Variants in MCCC1 observed in about 807,000 individuals in gnomAD.
MCCC1 encodes the protein methylcrotonoyl-CoA carboxylase subunit alpha, mitochondrial.
MCCC1 carries 64 observed loss-of-function variants against 83.8 expected under a neutral mutation model. That is an observed-to-expected ratio of 0.76 (90% confidence interval 0.62 to 0.94). MCCC1 has a LOEUF of 0.94. Ranked by LOEUF, MCCC1 falls within the 40% of genes least tolerant of loss-of-function variation. The pLI is 0.00. For synonymous variants in MCCC1, 322 were observed against 315.4 expected, an observed-to-expected ratio of 1.02 and a Z score of -0.22; for missense variants, 807 against 904.7, an observed-to-expected ratio of 0.89 and a Z score of 1.39.
Position 183,041,608 on chromosome 3 carries a change from C to A in MCCC1, c.1226G>T (p.Arg409Leu), listed in dbSNP as rs371219844. The stretch of plus-strand genomic sequence containing the variant: ...TTCAATCCTGGTGGAAGGGTCTGCT[C>A]GAGGAGTAGAGAGGTGCACTAATGG... Reference protein sequence around the residue: ...AGPLVHLSTPRADPSTRIETG... With the variant: ...AGPLVHLSTPLADPSTRIETG... The change falls in exon 11 of 19, where the codon CGA (arginine) becomes CTA (leucine). Residue 409 changes from arginine to leucine, a missense_variant. Physicochemically the swap from Arg to Leu is moderately radical, Grantham distance 102 (BLOSUM62 -2). Coordinates refer to ENST00000265594, the MANE Select transcript of MCCC1 (RefSeq NM_020166.5). The A allele has an allele frequency of 3.3e-5, 53 of 1,613,960 alleles. No homozygotes were observed. The highest frequency in any genetic ancestry group is 4.4e-5 in the Non-Finnish European group (52 of 1,179,986).
rs753835386 is a variant in MCCC1, at chr3:183,099,394, C to T, written c.47G>A (p.Arg16Lys). ...GCTCGGGAGACGATGCCACCGGTTC[C>T]TCTCCGCCGCCACCAGCAGCACCGA... ...AVSVLLVAAE[R>K]NRWHRLPSLL... The change falls in exon 1 of 19, where the codon AGG (arginine) becomes AAG (lysine). Residue 16 changes from arginine to lysine, a missense_variant. Coordinates refer to ENST00000265594, the MANE Select transcript of MCCC1 (RefSeq NM_020166.5). 1 of 1,605,460 alleles carries T rather than the reference C, an allele frequency of 6.2e-7. No homozygotes were observed. Among genetic ancestry groups the T allele is most frequent in the South Asian group, 1.1e-5 (1 of 90,028 alleles).
chr3:183,035,068 C>T (rs188365260), intron 13 of MCCC1, among the ~76,000 whole-genome samples: 34 of 152,252 alleles, frequency 2.2e-4, no homozygotes, highest in African/African-American at 7.5e-4. Flanking sequence ...CATGAGCCAC[C>T]GCGCCTGGCC....
At chr3:183,070,879 T>A (rs1201351011) in intron 7 of MCCC1, 120 bp downstream of exon 7, 57 of 1,221,804 alleles carry the variant, frequency 4.7e-5, no homozygotes, top group Non-Finnish European at 1.9e-5. Flanking sequence ...AGGACAGAAC[T>A]GGGAAACTTG....
intron 4 of MCCC1, among the ~76,000 whole-genome samples, chr3:183,076,699 G>A (rs771116496): frequency 1.3e-5 from 2 of 152,140 alleles, no homozygotes; most frequent in Non-Finnish European, 2.9e-5. Flanking sequence ...AATCTAGTGG[G>A]TGCATAGTGT....
At chr3:183,113,249 G>A (rs186876925) in intron 1 of MCCC1, among the ~76,000 whole-genome samples, 17 of 151,586 alleles carry the variant, frequency 1.1e-4, no homozygotes, top group African/African-American at 4.1e-4. Flanking sequence ...AATTAACTGG[G>A]CTTAGTGGTG....
chr3:183,015,309 G>A lies in MCCC1; in HGVS notation c.*129C>T. ...AATGCATGATTCTCCAATATGAAAG[G>A]TGTTCAGCATAAGCATACAATCATT... is the stretch of plus-strand genomic sequence containing the variant. On this transcript the variant is annotated 3_prime_UTR_variant, in exon 19 of 19. Coordinates refer to ENST00000265594, the MANE Select transcript of MCCC1 (RefSeq NM_020166.5). The A allele has an allele frequency of 1.1e-6, 1 of 896,528 alleles. No homozygotes were observed. 55.5% of individuals were successfully genotyped at this position (896,528 alleles called of 1,614,324 possible). A position where few individuals can be genotyped will look rare whatever the true frequency, so the allele number is the denominator to read the frequency against.
chr3:183,018,807 T>C (rs1711908498), intron 17 of MCCC1, among the ~76,000 whole-genome samples: 1 of 152,228 alleles, frequency 6.6e-6, no homozygotes, highest in African/African-American at 2.4e-5. Flanking sequence ...GTATAGTAAG[T>C]GTGTTTGAAG....
At chr3:183,101,852 G>A (rs1035801431), upstream of MCCC1, among the ~76,000 whole-genome samples, 1 of 151,814 alleles carries the variant, frequency 6.6e-6, no homozygotes, top group African/African-American at 2.4e-5. Context: ...GCGAGACCAC[G>A]AGCCCACCGG....
chr3:183,092,856 A>G (rs751532879), intron 2 of MCCC1, among the ~76,000 whole-genome samples: 37 of 152,172 alleles, frequency 2.4e-4, no homozygotes, highest in Non-Finnish European at 5.0e-4. Flanking sequence ...TTAAATTATC[A>G]TCATTAATAA....
intron 18 of MCCC1, among the ~76,000 whole-genome samples, chr3:183,015,789 A>G (rs1051645395): frequency 3.9e-5 from 6 of 152,216 alleles, no homozygotes; most frequent in African/African-American, 7.2e-5. Context: ...ACACTGGGAC[A>G]CAGCAGTAAC....
chr3:183,024,597 A>G (rs1434129879), intron 15 of MCCC1, among the ~76,000 whole-genome samples: 1 of 145,696 alleles, frequency 6.9e-6, no homozygotes, highest in Non-Finnish European at 1.5e-5. Flanking sequence ...CCTCACACTC[A>G]TTAGTATTGC....
upstream of MCCC1, among the ~76,000 whole-genome samples, chr3:183,102,305 A>G (rs773261646): frequency 5.3e-5 from 8 of 152,116 alleles, no homozygotes; most frequent in Non-Finnish European, 1.2e-4. Flanking sequence ...TGAAGCTGCA[A>G]TGAGCTCTTA....
upstream of MCCC1, among the ~76,000 whole-genome samples, chr3:183,103,044 C>T (rs1719343988): frequency 6.6e-6 from 1 of 151,968 alleles, no homozygotes; most frequent in Non-Finnish European, 1.5e-5. Context: ...CGCAGATCCT[C>T]GCGGTGAGTG....
Position 183,053,673 on chromosome 3 carries a change from C to T in MCCC1, c.874-1433G>A, listed in dbSNP as rs953161929. 1.5e-4 allele frequency among the ~76,000 whole-genome samples: 22 copies of T among 149,900 alleles called. 1 individual carries two copies. The highest frequency in any genetic ancestry group is 1.4e-3 in the Admixed American group (21 of 15,012). ...TACAAAAATTAGCCGGGTGTGGTGG[C>T]AGGCGCCTGTAGTCCCAGCTACTCT... On this transcript the variant is annotated intron_variant, in intron 8 of 18. Transcript: ENST00000265594.
chr3:183,114,519 G>A (rs75911124), intron 1 of MCCC1, among the ~76,000 whole-genome samples: 7,610 of 152,252 alleles, frequency 0.05, 295 homozygotes, highest in Non-Finnish European at 0.083. Context: ...GTCCACTGCA[G>A]AACTGATGGC....
intron 1 of MCCC1, among the ~76,000 whole-genome samples, chr3:183,097,610 G>A (rs184436980): frequency 1.1e-3 from 167 of 152,278 alleles, no homozygotes; most frequent in East Asian, 4.6e-3. Flanking sequence ...GCCCAGGCTG[G>A]TCTTGAACTC....
chr3:183,111,547 G>A (rs895347011), intron 1 of MCCC1, among the ~76,000 whole-genome samples: 1 of 152,118 alleles, frequency 6.6e-6, no homozygotes, highest in East Asian at 1.9e-4. Flanking sequence ...TGATCTGCCC[G>A]CCTTGGCCTC....
chr3:183,091,027 T>A (rs1180332020), intron 3 of MCCC1: 1 of 456,484 alleles, frequency 2.2e-6, no homozygotes, highest in Non-Finnish European at 4.4e-6. Context: ...ATCAAGATCA[T>A]CCTGCTGCAA....
intron 7 of MCCC1, among the ~76,000 whole-genome samples, chr3:183,062,354 T>G (rs1229438195): frequency 5.7e-5 from 1 of 17,468 alleles, no homozygotes; most frequent in Non-Finnish European, 1.4e-4. Flanking sequence ...TTTTCAGTTT[T>G]TTTTTTTTTT....
Sources: gnomAD v4.1 joint callset for allele counts (sites outside exome capture counted in the v4.1 genomes callset) on GRCh38, gnomAD v4.1.1 for gene constraint, MANE v1.5 for transcripts, NCBI Gene and HGNC (gene_info 2026-07-23, HGNC 2026-07-21) for gene names.